Variants in CACNG4 observed in about 807,000 individuals in gnomAD.
The protein encoded by CACNG4 is calcium voltage-gated channel auxiliary subunit gamma 4.
A neutral mutation model predicts 22.9 loss-of-function variants in CACNG4; 8 were observed. That is an observed-to-expected ratio of 0.35 (90% CI 0.21 to 0.63). The LOEUF is 0.63. CACNG4 is among the 30% of genes least tolerant of loss of function. The pLI is 0.72. For synonymous variants in CACNG4, 188 were observed against 191.9 expected (o/e 0.98, Z 0.17); for missense variants, 357 against 455.4 (o/e 0.78, Z 1.97).
intron 1 of CACNG4, among the ~76,000 whole-genome samples, chr17:67,014,975 A>C (rs1448582549): frequency 6.6e-6 from 1 of 151,932 alleles, no homozygotes; most frequent in Non-Finnish European, 1.5e-5. Flanking sequence ...AAAGAAAGAA[A>C]TAGCTGAAGG....
chr17:66,969,283 C>T (rs536464829), intron 1 of CACNG4, among the ~76,000 whole-genome samples: 7 of 152,338 alleles, frequency 4.6e-5, no homozygotes, highest in South Asian at 4.1e-4. Context: ...ACCCAGTCCC[C>T]GTGCTGCCAT....
chr17:66,970,780 C>T (rs1302724472), intron 1 of CACNG4, among the ~76,000 whole-genome samples: 3 of 152,200 alleles, frequency 2.0e-5, no homozygotes, highest in Admixed American at 2.0e-4. Flanking sequence ...TTTGGGGGCA[C>T]ACAGACATGT....
intron 1 of CACNG4, among the ~76,000 whole-genome samples, chr17:66,991,988 G>A (rs372839141): frequency 1.3e-5 from 2 of 152,254 alleles, no homozygotes; most frequent in East Asian, 3.9e-4. Context: ...AACTCACTCT[G>A]TCCATCCCTC....
At chr17:66,982,562 AAGAC>A (rs1567751314) in intron 1 of CACNG4, among the ~76,000 whole-genome samples, 2 of 152,150 alleles carry the variant, frequency 1.3e-5, no homozygotes, top group Middle Eastern at 3.2e-3. Flanking sequence ...ATCCTCTTGT[AAGAC>A]AGAAAAGTTC....
chr17:67,032,276 T>C lies in CACNG4; in HGVS notation c.*1272T>C. The C allele has an allele frequency of 3.1e-6, 1 of 324,380 alleles. No homozygotes were observed. The highest frequency in any genetic ancestry group is 2.7e-5 in the South Asian group (1 of 37,590). The allele number at this position is 324,380 out of a possible 1,614,324, so 20.1% of individuals were successfully genotyped here. A position where few individuals can be genotyped will look rare whatever the true frequency, so the allele number is the denominator to read the frequency against. ...TGTTTTACAGTTTTTCCAGCCATTC[T>C]TTTCTTCCCCCTCCTGAAGCAAGCA... On this transcript the variant is annotated 3_prime_UTR_variant, in exon 4 of 4. Coordinates refer to ENST00000262138, the MANE Select transcript of CACNG4 (RefSeq NM_014405.4).
intron 1 of CACNG4, among the ~76,000 whole-genome samples, chr17:66,975,619 G>A (rs2035231369): frequency 6.6e-6 from 1 of 152,120 alleles, no homozygotes; most frequent in Non-Finnish European, 1.5e-5. Context: ...CATGTTTCCT[G>A]AACCATGGAA....
chr17:67,016,836 C>T (rs1221370168), intron 1 of CACNG4, among the ~76,000 whole-genome samples: 2 of 152,052 alleles, frequency 1.3e-5, no homozygotes, highest in East Asian at 3.9e-4. Context: ...ACTAGGAGAG[C>T]AGGGCAGAAG....
chr17:66,997,453 T>C (rs1272280778), intron 1 of CACNG4, among the ~76,000 whole-genome samples: 1 of 152,146 alleles, frequency 6.6e-6, no homozygotes, highest in African/African-American at 2.4e-5. Flanking sequence ...GTGGCCCCTG[T>C]TGGACTTCTA....
intron 1 of CACNG4, among the ~76,000 whole-genome samples, chr17:66,994,356 G>A (rs548387146): frequency 2.5e-4 from 37 of 149,100 alleles, no homozygotes; most frequent in South Asian, 1.3e-3. Context: ...CTGCGCCTCC[G>A]CTACTAGCAG....
In CACNG4 at chr17:67,027,079, G is replaced by A. The variant is rs954995519; in HGVS notation, c.445+2079G>A. ...CAGAAACCACAGTGGCCATGCCAGC[G>A]CTCTGTGAGCCCAACCCCACCATCC... On this transcript the variant is annotated intron_variant, in intron 3 of 3. Transcript: ENST00000262138. This position sits in a 1 kb window ranked among gnomAD's most constrained non-coding sequence, Gnocchi z 4.3. Among the ~76,000 whole-genome samples the A allele has an allele frequency of 2.0e-4, 30 of 152,288 alleles. No individual in the cohort carries two copies. Among genetic ancestry groups the A allele is most frequent in the African/African-American group, 7.2e-4 (30 of 41,544 alleles).
At chr17:66,979,970 G>T (rs1283289684) in intron 1 of CACNG4, among the ~76,000 whole-genome samples, 2 of 152,072 alleles carry the variant, frequency 1.3e-5, no homozygotes, top group African/African-American at 2.4e-5. Context: ...TAGCCAGGCT[G>T]GTCTTGAACT....
intron 2 of CACNG4, 68 bp from the exon 3 acceptor site, chr17:67,024,792 G>A (rs1224675632): frequency 1.4e-5 from 20 of 1,410,348 alleles, no homozygotes; most frequent in South Asian, 6.4e-5. Flanking sequence ...GGAGACATAC[G>A]CAGCCATGCC....
In CACNG4 at chr17:67,031,896, A is replaced by T; in HGVS notation, c.*892A>T. On this transcript the variant is annotated 3_prime_UTR_variant, in exon 4 of 4. Coordinates refer to ENST00000262138, the MANE Select transcript of CACNG4 (RefSeq NM_014405.4). The surrounding 1 kb of genome is among the most constrained non-coding windows in gnomAD (Gnocchi z 4.0). ...GGGGTCCCGGGGGAGAGGTGGACAG[A>T]CACCTCCCTCCAACTGGCATTTGGC... The T allele has an allele frequency of 2.2e-6, 1 of 456,608 alleles. No homozygotes were observed. Among genetic ancestry groups the T allele is most frequent in the South Asian group, 1.5e-5 (1 of 64,566 alleles). 28.3% of individuals were successfully genotyped at this position (456,608 alleles called of 1,614,324 possible).
chr17:66,965,194 ACGCGCGCGCGCGCGCGCG>A lies in CACNG4; in HGVS notation c.220+65_220+82del, dbSNP rs1158411001. ...CACACACACACACACACATATACAC[ACGCGCGCGCGCGCGCGCG>A]CACACACACACACGCGCACACACTG... is the stretch of plus-strand genomic sequence containing the variant. On this transcript the variant is annotated intron_variant, in intron 1 of 3. Transcript: ENST00000262138. 688 of 898,318 alleles carry A rather than the reference ACGCGCGCGCGCGCGCGCG, an allele frequency of 7.7e-4. 4 individuals carry two copies. Among genetic ancestry groups the A allele is most frequent in the Admixed American group, 2.8e-3 (87 of 31,220 alleles). 55.6% of individuals were successfully genotyped at this position (898,318 alleles called of 1,614,324 possible).
chr17:66,966,770 G>A lies in CACNG4; in HGVS notation c.220+1639G>A, dbSNP rs533352667. Reference sequence around the variant, plus strand: ...AACAGAAATGTGCAATCAGTAGTTCGAGAAACACAGCCACACAAAAGAGCC... The same window carrying A: ...AACAGAAATGTGCAATCAGTAGTTCAAGAAACACAGCCACACAAAAGAGCC... On this transcript the variant is annotated intron_variant, in intron 1 of 3. Coordinates refer to ENST00000262138, the MANE Select transcript of CACNG4 (RefSeq NM_014405.4). Among the ~76,000 whole-genome samples, 4 of 152,242 alleles carry A rather than the reference G, an allele frequency of 2.6e-5. No homozygotes were observed. The East Asian group carries it at 7.7e-4, about 29-fold the overall frequency.
At chr17:66,993,862 A>G (rs1389909118) in intron 1 of CACNG4, among the ~76,000 whole-genome samples, 2 of 151,844 alleles carry the variant, frequency 1.3e-5, no homozygotes, top group Non-Finnish European at 2.9e-5. Flanking sequence ...CTCGTGATCC[A>G]CCCACCTCAG....
At chr17:67,006,744 G>A (rs978282079) in intron 1 of CACNG4, among the ~76,000 whole-genome samples, 1 of 152,148 alleles carries the variant, frequency 6.6e-6, no homozygotes, top group African/African-American at 2.4e-5. Context: ...CACGGGGCCT[G>A]GTGTCAATCA....
chr17:67,028,536 G>C (rs1420494628), intron 3 of CACNG4, among the ~76,000 whole-genome samples: 2 of 151,632 alleles, frequency 1.3e-5, no homozygotes, highest in African/African-American at 4.9e-5. Context: ...CTGGGGGACA[G>C]AGCGAGACTC....
intron 1 of CACNG4, among the ~76,000 whole-genome samples, chr17:66,965,568 G>T (rs1256618286): frequency 1.3e-5 from 2 of 150,624 alleles, no homozygotes; most frequent in Non-Finnish European, 3.0e-5. Flanking sequence ...GGACGGGAGG[G>T]GGGGAGGGGT....
Sources: allele counts gnomAD v4.1 joint callset (sites outside exome capture counted in the v4.1 genomes callset), GRCh38; gene constraint gnomAD v4.1.1; non-coding constraint Gnocchi (gnomAD v3.1); transcripts MANE v1.5; gene names NCBI Gene and HGNC (gene_info 2026-07-23, HGNC 2026-07-21).